The following TENM1 variants were observed in gnomAD, a reference collection of about 807,000 sequenced individuals.
TENM1 encodes the protein teneurin transmembrane protein 1.
TENM1 carries 35 observed loss-of-function variants against 174.8 expected under a neutral mutation model. That is an observed-to-expected ratio of 0.20 (90% CI 0.15 to 0.27). TENM1 has a LOEUF of 0.27. Among genes scored for constraint, TENM1 ranks in the 10% least tolerant of loss-of-function variants. TENM1 has a pLI of 1.00. For missense variants in TENM1, 1,633 were observed against 2,130.1 expected (o/e 0.77, Z 4.59); for synonymous variants, 781 against 798.7 (o/e 0.98, Z 0.37).
chrX:124,962,825 G>A (rs748499241), intron 1 of TENM1, among the ~76,000 whole-genome samples: 1 of 110,348 alleles, frequency 9.1e-6, no homozygotes. Flanking sequence ...CTCAAAACAA[G>A]ACAAAACAAA....
At chrX:124,695,051 T>C (rs2052617105) in intron 5 of TENM1, among the ~76,000 whole-genome samples, 1 of 111,902 alleles carries the variant, frequency 8.9e-6, no homozygotes, top group Non-Finnish European at 1.9e-5. Context: ...ACACTTATCT[T>C]TGTTATAGCC....
At chrX:124,964,353 GA>G (rs1346732672), upstream of TENM1, among the ~76,000 whole-genome samples, 8 of 111,595 alleles carry the variant, frequency 7.2e-5, no homozygotes, top group East Asian at 2.3e-3. Context: ...AAGTATCCTT[GA>G]GGGGGACTGA....
chrX:124,729,737 A>C (rs1310378473), intron 4 of TENM1, among the ~76,000 whole-genome samples: 1 of 112,482 alleles, frequency 8.9e-6, no homozygotes, highest in African/African-American at 3.2e-5. Flanking sequence ...GCAGCAATGC[A>C]CAAGCTGTTT....
At chrX:124,912,900 A>G (rs2057860109) in intron 1 of TENM1, among the ~76,000 whole-genome samples, 1 of 111,508 alleles carries the variant, frequency 9.0e-6, no homozygotes, top group Admixed American at 9.6e-5. Context: ...AAGAAAGCTA[A>G]CTGGAAAGGC....
At chrX:125,153,458 C>A in the TENM1 span, among the ~76,000 whole-genome samples, 3 of 112,118 alleles carry the variant, frequency 2.7e-5, no homozygotes, top group Non-Finnish European at 5.6e-5. Context: ...TTTTCCTTTT[C>A]TTGATGGGTA....
intron 25 of TENM1, among the ~76,000 whole-genome samples, chrX:124,414,691 A>C (rs1381134055): frequency 9.0e-6 from 1 of 111,238 alleles, no homozygotes; most frequent in Non-Finnish European, 1.9e-5. Flanking sequence ...CACACTACCT[A>C]ATAAAAGCCC....
At chrX:125,050,481 G>A in the TENM1 span, among the ~76,000 whole-genome samples, 1 of 111,090 alleles carries the variant, frequency 9.0e-6, no homozygotes, top group Non-Finnish European at 1.9e-5. Context: ...TCCCTACAAA[G>A]GACATGAACT....
chrX:125,051,057 G>A, the TENM1 span, among the ~76,000 whole-genome samples: 2 of 111,135 alleles, frequency 1.8e-5, no homozygotes, highest in Non-Finnish European at 1.9e-5. Context: ...ACCAATAACA[G>A]ACAGAGAGCC....
Position 124,409,514 on chromosome X carries a change from T to C in TENM1, c.4983-3025A>G, listed in dbSNP as rs1294558837. 4.6e-5 allele frequency among the ~76,000 whole-genome samples: 5 copies of C among 109,253 alleles called. No individual in the cohort carries two copies. The Admixed American group carries it at 4.9e-4, about 11-fold the overall frequency. 94.9% of individuals were successfully genotyped at this position (109,253 alleles called of 115,157 possible). A position where few individuals can be genotyped will look rare whatever the true frequency, so the allele number is the denominator to read the frequency against. ...CTCCTATTCAACATAGTGTTGGAAG[T>C]TCTGGCCAGGGCAATCAGGCAGGAG... is the stretch of plus-strand genomic sequence containing the variant. On this transcript the variant is annotated intron_variant, in intron 25 of 31. Coordinates refer to ENST00000422452, the Ensembl canonical transcript of TENM1.
At chrX:124,734,924 C>T (rs1023425591) in intron 4 of TENM1, among the ~76,000 whole-genome samples, 7 of 111,811 alleles carry the variant, frequency 6.3e-5, no homozygotes, top group Non-Finnish European at 1.3e-4. Context: ...CTATCCCTCA[C>T]TGTATACAAA....
At chrX:124,689,034 C>T (rs757831514) in intron 5 of TENM1, among the ~76,000 whole-genome samples, 147 of 111,554 alleles carry the variant, frequency 1.3e-3, no homozygotes, top group Non-Finnish European at 2.5e-3. Flanking sequence ...TCATTTACAC[C>T]TCAATATACC....
intron 5 of TENM1, among the ~76,000 whole-genome samples, chrX:124,673,703 T>C (rs946211113): frequency 1.8e-5 from 2 of 111,053 alleles, no homozygotes; most frequent in Non-Finnish European, 3.8e-5. Flanking sequence ...ATTTCAGGAT[T>C]TGGCAAGAAG....
chrX:125,020,548 G>A, the TENM1 span, among the ~76,000 whole-genome samples: 2 of 104,290 alleles, frequency 1.9e-5, no homozygotes, highest in Admixed American at 2.1e-4. Context: ...TATTATTTTT[G>A]CCTAGCCAAA....
intron 1 of TENM1, among the ~76,000 whole-genome samples, chrX:124,900,313 A>T (rs888957121): frequency 8.9e-6 from 1 of 111,977 alleles, no homozygotes; most frequent in African/African-American, 3.2e-5. Context: ...GTATGCTTCC[A>T]TTTATATAAA....
chrX:124,582,007 A>G (rs540244199), intron 11 of TENM1, among the ~76,000 whole-genome samples: 1 of 111,841 alleles, frequency 8.9e-6, no homozygotes, highest in African/African-American at 3.3e-5. Flanking sequence ...TAAGCCCCAC[A>G]TGCATTAGCT....
At chrX:125,097,282 T>G in the TENM1 span, among the ~76,000 whole-genome samples, 1 of 111,761 alleles carries the variant, frequency 8.9e-6, no homozygotes, top group Non-Finnish European at 1.9e-5. Flanking sequence ...TATACATTAG[T>G]TCACAGCGCA....
chrX:124,816,989 T>A (rs2055910999), intron 3 of TENM1, among the ~76,000 whole-genome samples: 1 of 110,769 alleles, frequency 9.0e-6, no homozygotes, highest in South Asian at 3.9e-4. Context: ...GCTGCACCCA[T>A]CAACCTGTCA....
At chrX:124,384,987 TCAAA>T in intron 29 of TENM1, 133 bp from the exon 33 acceptor site, 1 of 543,234 alleles carries the variant, frequency 1.8e-6, no homozygotes, top group Non-Finnish European at 2.7e-6. Flanking sequence ...ATCTCTGATA[TCAAA>T]TGCCTGGGCA....
the TENM1 span, among the ~76,000 whole-genome samples, chrX:125,138,560 A>G: frequency 3.6e-5 from 4 of 111,792 alleles, no homozygotes; most frequent in Admixed American, 3.8e-4. Context: ...TCTCACAAAC[A>G]TAATGTTGAA....
Sources: allele counts gnomAD v4.1 joint callset (sites outside exome capture counted in the v4.1 genomes callset), GRCh38; gene constraint gnomAD v4.1.1; transcripts MANE v1.5; gene names NCBI Gene and HGNC (gene_info 2026-07-23, HGNC 2026-07-21).